Variants in TMEM59 observed in about 807,000 individuals in gnomAD.
TMEM59 encodes the protein transmembrane protein 59.
TMEM59 carries 44 observed loss-of-function variants against 42.2 expected under a neutral mutation model. The ratio of observed to expected loss-of-function variants is 1.04; its 90% CI spans 0.82 to 1.34. The LOEUF is 1.34. Ranked by LOEUF, TMEM59 falls within the 40% of genes most tolerant of loss-of-function variation. The pLI, the probability that TMEM59 is intolerant of heterozygous loss-of-function variation, is 0.00. For missense variants in TMEM59, 359 were observed against 382.8 expected, an observed-to-expected ratio of 0.94 and a Z score of 0.52; for synonymous variants, 148 against 145.8, an observed-to-expected ratio of 1.02 and a Z score of -0.11.
intron 1 of TMEM59, chr1:54,047,849 G>C: frequency 6.1e-6 from 1 of 164,290 alleles, no homozygotes; most frequent in Non-Finnish European, 1.3e-5. Flanking sequence ...CACACTTGTT[G>C]TCCTAGTACT....
chr1:54,044,813 T>A (rs181277556), intron 3 of TMEM59: 252 of 152,216 alleles, frequency 1.7e-3, no homozygotes, highest in African/African-American at 5.7e-3. Flanking sequence ...TTATAATATA[T>A]CTACACAGAA....
rs1271309207 is a variant in TMEM59 at position 54,053,175 on chromosome 1, T to C, written c.14A>G (p.Lys5Arg). 3 of 1,613,914 alleles carry C rather than the reference T, an allele frequency of 1.9e-6. No individual in the cohort carries two copies. Among genetic ancestry groups the C allele is most frequent in the Non-Finnish European group, 2.5e-6 (3 of 1,179,980 alleles). ...TTGGGTCCTCACCCAGAGGCTCCCC[T>C]TCGGCGCCGCCATCTTGTTCCCCTC... is the stretch of plus-strand genomic sequence containing the variant. MAAP[K>R]GSLWVRTQLG... Residue 5 changes from lysine (K) to arginine (R), a missense_variant, in exon 1 of 8, where the codon AAG (lysine) becomes AGG (arginine). Lys to Arg is a conservative substitution (Grantham distance 26). Coordinates refer to ENST00000234831, the MANE Select transcript of TMEM59 (RefSeq NM_004872.5).
intron 1 of TMEM59, among the ~76,000 whole-genome samples, chr1:54,049,378 T>C (rs1397015169): frequency 2.0e-5 from 3 of 152,212 alleles, no homozygotes; most frequent in African/African-American, 7.2e-5. Flanking sequence ...TGTAGTACTA[T>C]CTAATAGACA....
chr1:54,030,393 G>A lies in TMEM59; in HGVS notation c.*1757C>T, dbSNP rs1373154574. The A allele has an allele frequency of 1.3e-5, 2 of 152,044 alleles. No individual in the cohort carries two copies. Among genetic ancestry groups the A allele is most frequent in the Non-Finnish European group, 2.9e-5 (2 of 68,012 alleles). 9.4% of individuals were successfully genotyped at this position (152,044 alleles called of 1,614,324 possible). On this transcript the variant is annotated 3_prime_UTR_variant, in exon 8 of 8. Coordinates refer to ENST00000234831, the MANE Select transcript of TMEM59 (RefSeq NM_004872.5). ...ACTAATGATGGGAGACGAAACAACA[G>A]GGCTTTTTATTTTTTTTTAATGGTA...
chr1:54,047,223 A>G (rs751790921), intron 2 of TMEM59, 44 bp downstream of exon 2: 3 of 1,494,802 alleles, frequency 2.0e-6, no homozygotes, highest in Non-Finnish European at 2.7e-6. Flanking sequence ...ATCACAAAGA[A>G]AACAATGTTA....
rs77401327 is a variant in TMEM59, at chr1:54,038,304, C to T, written c.708-1586G>A. On this transcript the variant is annotated intron_variant, in intron 6 of 7. Coordinates refer to ENST00000234831, the MANE Select transcript of TMEM59 (RefSeq NM_004872.5). ...GCTATAACTAGCAAAAATTTCTACT[C>T]ATCACTTGAGATATTTCTATCTCAC... 5.6e-3 allele frequency among the ~76,000 whole-genome samples: 859 copies of T among 152,286 alleles called. 7 individuals are homozygous for T. The highest frequency in any genetic ancestry group is 0.019 in the African/African-American group (786 of 41,562).
chr1:54,049,062 AT>A (rs1657441560), intron 1 of TMEM59, among the ~76,000 whole-genome samples: 2 of 152,336 alleles, frequency 1.3e-5, no homozygotes, highest in South Asian at 4.1e-4. Context: ...ACCACATGCC[AT>A]TTCATTCTCA....
rs143684364 is a variant in TMEM59 at position 54,040,214 on chromosome 1, G to A, written c.707+542C>T. 4.4e-3 allele frequency among the ~76,000 whole-genome samples: 671 copies of A among 152,174 alleles called. 4 individuals are homozygous for A. The highest frequency in any genetic ancestry group is 7.8e-3 in the Admixed American group (119 of 15,290). ...GTTACCTAGGCTGGAGTGCTGTGGC[G>A]TGATCTCAGCTCACTGCAACCTCTG... is the stretch of plus-strand genomic sequence containing the variant. On this transcript the variant is annotated intron_variant, in intron 6 of 7. Transcript: ENST00000234831.
chr1:54,037,629 G>A (rs999863162), intron 6 of TMEM59, among the ~76,000 whole-genome samples: 4 of 152,164 alleles, frequency 2.6e-5, no homozygotes, highest in Admixed American at 2.6e-4. Flanking sequence ...CCTAGTAAGA[G>A]ATCTATACTT....
At chr1:54,039,938 T>C (rs1195130967) in intron 6 of TMEM59, among the ~76,000 whole-genome samples, 1 of 152,054 alleles carries the variant, frequency 6.6e-6, no homozygotes, top group Non-Finnish European at 1.5e-5. Flanking sequence ...GGCTTGATAT[T>C]TTTTCCTAGG....
intron 2 of TMEM59, among the ~76,000 whole-genome samples, chr1:54,046,607 C>T (rs1031997704): frequency 2.0e-5 from 3 of 152,102 alleles, no homozygotes; most frequent in African/African-American, 7.2e-5. Context: ...CGCAAAAATA[C>T]GGTTATGATA....
At position 54,041,767 on chromosome 1, in the gene TMEM59, C is replaced by T; in HGVS notation, c.582G>A (p.Gln194=). 6.2e-7 allele frequency: 1 copy of T among 1,613,680 alleles called. No individual in the cohort carries two copies. Among genetic ancestry groups the T allele is most frequent in the African/African-American group, 1.3e-5 (1 of 75,038 alleles). ...ATGATTCTCTCAAATTTGTAGGCTC[C>T]TGCTCCAAATGTGGTGCGTACTGGA... ...PEIQYAPHLE[Q]EPTNLRESSL... The change falls in exon 5 of 8, where the codon CAG becomes CAA. Residue 194 remains glutamine (Q), a synonymous_variant. Coordinates refer to ENST00000234831, the MANE Select transcript of TMEM59 (RefSeq NM_004872.5).
chr1:54,051,489 A>G (rs1657537420), intron 1 of TMEM59, among the ~76,000 whole-genome samples: 1 of 152,238 alleles, frequency 6.6e-6, no homozygotes, highest in African/African-American at 2.4e-5. Context: ...ACCAATTGTT[A>G]GAAAATAGTG....
In TMEM59 at chr1:54,032,401, A is replaced by T. The variant is rs538208597; in HGVS notation, c.817-96T>A. The T allele has an allele frequency of 1.1e-5, 13 of 1,183,612 alleles. No homozygotes were observed. The Admixed American group carries it at 1.6e-4, about 14-fold the overall frequency. The allele number at this position is 1,183,612 out of a possible 1,614,324, so 73.3% of individuals were successfully genotyped here. A position where few individuals can be genotyped will look rare whatever the true frequency, so the allele number is the denominator to read the frequency against. On this transcript the variant is annotated intron_variant, in intron 7 of 7. Transcript: ENST00000234831. ...ACAATTTAATTTATAAATAGTTGGTAAAAAAAATTCTATAAACAACTTTAA... is the reference window on the plus strand; with the variant it reads ...ACAATTTAATTTATAAATAGTTGGTTAAAAAAATTCTATAAACAACTTTAA...
rs779611849 is a variant in TMEM59, at chr1:54,036,553, G to A, written c.816+57C>T. Reference sequence around the variant, plus strand: ...TTGTTTTTCCAGCTAAACAAATAAGGTGTTTAAAATGATATATCACAGGGC... The same window carrying A: ...TTGTTTTTCCAGCTAAACAAATAAGATGTTTAAAATGATATATCACAGGGC... On this transcript the variant is annotated intron_variant, in intron 7 of 7. Transcript: ENST00000234831. 4.0e-6 allele frequency: 5 copies of A among 1,253,016 alleles called. No homozygotes were observed. The South Asian group carries it at 6.2e-5, about 15-fold the overall frequency. The allele number at this position is 1,253,016 out of a possible 1,614,324, so 77.6% of individuals were successfully genotyped here. A position where few individuals can be genotyped will look rare whatever the true frequency, so the allele number is the denominator to read the frequency against.
In TMEM59 at chr1:54,036,636, C is replaced by T; in HGVS notation, c.790G>A (p.Ala264Thr). ...TCAGAGGGAACATACTGCTCCACAGCTGTAGCAACAGTTGCACAACAAATC... is the reference window on the plus strand; with the variant it reads ...TCAGAGGGAACATACTGCTCCACAGTTGTAGCAACAGTTGCACAACAAATC... Reference protein sequence around the residue: ...LWICCATVATAVEQYVPSEKL... With the variant: ...LWICCATVATTVEQYVPSEKL... Residue 264 changes from alanine to threonine, a missense_variant, in exon 7 of 8, where the codon GCT becomes ACT. Ala to Thr is a moderately conservative substitution (Grantham distance 58, BLOSUM62 0). Transcript: ENST00000234831. 1 of 1,607,448 alleles carries T rather than the reference C, an allele frequency of 6.2e-7. No individual in the cohort carries two copies. The highest frequency in any genetic ancestry group is 8.5e-7 in the Non-Finnish European group (1 of 1,176,490).
At chr1:54,039,815 CT>C (rs1553167087) in intron 6 of TMEM59, among the ~76,000 whole-genome samples, 2 of 151,118 alleles carry the variant, frequency 1.3e-5, no homozygotes, top group Non-Finnish European at 2.9e-5. Flanking sequence ...TCTCTTTTTC[CT>C]TTTTTTGTTG....
Position 54,042,051 on chromosome 1 carries a change from G to GTT in TMEM59, c.544-248_544-247dup, listed in dbSNP as rs753841730. ...TAGTTTAACTTCCTGACAACGTTTT[G>GTT]TTTTGTTTTTTTTTTTTTTTAAAGG... On this transcript the variant is annotated intron_variant, in intron 4 of 7. Coordinates refer to ENST00000234831, the MANE Select transcript of TMEM59 (RefSeq NM_004872.5). Among the ~76,000 whole-genome samples the GTT allele has an allele frequency of 7.5e-3, 1,077 of 143,228 alleles. 15 individuals are homozygous for GTT. The highest frequency in any genetic ancestry group is 0.026 in the African/African-American group (1,008 of 38,280). The allele number at this position is 143,228 out of a possible 152,430, so 94.0% of individuals were successfully genotyped here.
chr1:54,050,855 C>G (rs993882885), intron 1 of TMEM59, among the ~76,000 whole-genome samples: 2 of 151,864 alleles, frequency 1.3e-5, no homozygotes. Context: ...AGCCACCGCG[C>G]CCGGCATTTT....
Sources: gnomAD v4.1 joint callset for allele counts (sites outside exome capture counted in the v4.1 genomes callset) on GRCh38, gnomAD v4.1.1 for gene constraint, MANE v1.5 for transcripts, NCBI Gene and HGNC (gene_info 2026-07-23, HGNC 2026-07-21) for gene names.